Variants in GPC6 observed in about 807,000 individuals in gnomAD.
The protein encoded by GPC6 is glypican 6, also known as glypican-6.
A neutral mutation model predicts 55.2 loss-of-function variants in GPC6; 14 were observed. The ratio of observed to expected loss-of-function variants is 0.25; its 90% CI spans 0.17 to 0.40. The LOEUF (loss-of-function observed/expected upper bound fraction) is 0.40, where lower values mean the gene tolerates loss of function less well. Ranked by LOEUF, GPC6 falls within the 10% of genes least tolerant of loss-of-function variation. GPC6 has a pLI of 1.00. For synonymous variants in GPC6, 278 were observed against 259.6 expected, an observed-to-expected ratio of 1.07 and a Z score of -0.68; for missense variants, 641 against 708.5, an observed-to-expected ratio of 0.90 and a Z score of 1.08.
intron 4 of GPC6, among the ~76,000 whole-genome samples, chr13:94,116,388 G>T (rs1256643876): frequency 6.6e-6 from 1 of 152,006 alleles, no homozygotes; most frequent in Non-Finnish European, 1.5e-5. Flanking sequence ...AGTCCCAATT[G>T]TCATATGTAA....
chr13:93,447,886 A>G (rs1878067084), intron 1 of GPC6, among the ~76,000 whole-genome samples: 1 of 152,212 alleles, frequency 6.6e-6, no homozygotes, highest in African/African-American at 2.4e-5. Flanking sequence ...TAGCCTGAGC[A>G]TTAATGAACT....
intron 6 of GPC6, among the ~76,000 whole-genome samples, chr13:94,330,401 T>C (rs898032608): frequency 4.6e-5 from 7 of 152,192 alleles, no homozygotes; most frequent in African/African-American, 1.7e-4. Context: ...TAAATACTGA[T>C]GCCTGGGCCT....
At chr13:93,737,888 C>G (rs1884057593) in intron 2 of GPC6, among the ~76,000 whole-genome samples, 1 of 151,946 alleles carries the variant, frequency 6.6e-6, no homozygotes, top group South Asian at 2.1e-4. Context: ...AATAATCAAG[C>G]AGAAGTATGT....
chr13:93,876,471 G>A (rs2140305916), intron 3 of GPC6, among the ~76,000 whole-genome samples: 1 of 152,096 alleles, frequency 6.6e-6, no homozygotes, highest in African/African-American at 2.4e-5. Flanking sequence ...CTATGACCTG[G>A]TTTCTCTGTA....
chr13:93,351,530 G>A (rs796923985), intron 1 of GPC6, among the ~76,000 whole-genome samples: 3 of 152,154 alleles, frequency 2.0e-5, no homozygotes, highest in African/African-American at 7.2e-5. Flanking sequence ...GCCATTTTAG[G>A]ATAACTATAG....
rs527855224 is a variant in GPC6 at position 93,566,884 on chromosome 13, G to A, written c.319+21463G>A. Among the ~76,000 whole-genome samples the A allele has an allele frequency of 1.5e-4, 23 of 152,256 alleles. No homozygotes were observed. The South Asian group carries it at 4.8e-3, about 32-fold the overall frequency. ...CAGGCTTCATCCATGTCCCTGAAAAGAGCATGAACTCATTCTTTTTTACGG... is the reference window on the plus strand; with the variant it reads ...CAGGCTTCATCCATGTCCCTGAAAAAAGCATGAACTCATTCTTTTTTACGG... On this transcript the variant is annotated intron_variant, in intron 2 of 8. Transcript: ENST00000377047.
intron 6 of GPC6, among the ~76,000 whole-genome samples, chr13:94,352,407 C>T (rs1337553611): frequency 6.6e-6 from 1 of 151,398 alleles, no homozygotes; most frequent in Non-Finnish European, 1.5e-5. Context: ...ATATGAATTA[C>T]ATCCCTGGGC....
intron 6 of GPC6, among the ~76,000 whole-genome samples, chr13:94,337,801 T>C (rs1036650091): frequency 1.3e-5 from 2 of 152,120 alleles, no homozygotes; most frequent in African/African-American, 2.4e-5. Context: ...TAAATAATAA[T>C]ATCCAACGGG....
intron 2 of GPC6, among the ~76,000 whole-genome samples, chr13:93,673,198 A>G (rs1031091253): frequency 8.5e-5 from 13 of 152,178 alleles, no homozygotes; most frequent in Admixed American, 6.5e-4. Context: ...CCAGTGGATC[A>G]TTAACCAGGA....
intron 3 of GPC6, among the ~76,000 whole-genome samples, chr13:93,975,999 A>C (rs1305609902): frequency 1.3e-5 from 2 of 152,126 alleles, no homozygotes; most frequent in Non-Finnish European, 2.9e-5. Flanking sequence ...TACTATTAGC[A>C]AGACCTTTAT....
At chr13:94,093,419 G>A (rs1236062930) in intron 4 of GPC6, among the ~76,000 whole-genome samples, 1 of 152,036 alleles carries the variant, frequency 6.6e-6, no homozygotes. Flanking sequence ...GACCTTAAAA[G>A]TGTGGATTTG....
At chr13:93,754,194 T>A (rs186824108) in intron 2 of GPC6, among the ~76,000 whole-genome samples, 7 of 152,296 alleles carry the variant, frequency 4.6e-5, no homozygotes, top group Admixed American at 4.6e-4. Flanking sequence ...AGATAGTTTC[T>A]CCCCAGTTTT....
chr13:93,384,832 T>C (rs1235090846), intron 1 of GPC6, among the ~76,000 whole-genome samples: 1 of 152,186 alleles, frequency 6.6e-6, no homozygotes, highest in Non-Finnish European at 1.5e-5. Context: ...AAAACTGTCT[T>C]TTTTCAGCAT....
intron 3 of GPC6, among the ~76,000 whole-genome samples, chr13:93,945,814 CAAAT>C (rs1371543552): frequency 2.6e-5 from 4 of 152,162 alleles, no homozygotes; most frequent in African/African-American, 7.2e-5. Flanking sequence ...TTGTAATTGA[CAAAT>C]GAATGTAGTT....
chr13:93,731,950 A>G (rs991490396), intron 2 of GPC6, among the ~76,000 whole-genome samples: 1 of 152,214 alleles, frequency 6.6e-6, no homozygotes, highest in Non-Finnish European at 1.5e-5. Context: ...TGGATACAAT[A>G]TTCTTCATCT....
At chr13:93,758,723 C>T (rs935992660) in intron 2 of GPC6, among the ~76,000 whole-genome samples, 2 of 151,960 alleles carry the variant, frequency 1.3e-5, no homozygotes, top group Admixed American at 1.3e-4. Flanking sequence ...TGGATACCTG[C>T]CCTTTCTCTT....
intron 2 of GPC6, among the ~76,000 whole-genome samples, chr13:93,778,432 TCAGCAAATAG>T (rs1227824787): frequency 6.6e-6 from 1 of 152,142 alleles, no homozygotes; most frequent in Non-Finnish European, 1.5e-5. Context: ...ACTAACTTGT[TCAGCAAATAG>T]TTACTGAGTA....
chr13:94,286,567 G>GGCTT (rs1490886527), intron 5 of GPC6, 88 bp downstream of exon 5: 1 of 1,194,000 alleles, frequency 8.4e-7, no homozygotes, highest in Non-Finnish European at 1.2e-6. Flanking sequence ...ATGTCGGCTG[G>GGCTT]GCTTATAAAT....
intron 1 of GPC6, among the ~76,000 whole-genome samples, chr13:93,499,437 T>C (rs1880441402): frequency 6.6e-6 from 1 of 152,188 alleles, no homozygotes; most frequent in South Asian, 2.1e-4. Context: ...GGGGTTTCCA[T>C]TTTTCATATT....
Sources: gnomAD v4.1 joint callset for allele counts (sites outside exome capture counted in the v4.1 genomes callset) on GRCh38, gnomAD v4.1.1 for gene constraint, MANE v1.5 for transcripts, NCBI Gene and HGNC (gene_info 2026-07-23, HGNC 2026-07-21) for gene names.